Variants in SEPTIN7 observed in about 807,000 individuals in gnomAD.
SEPTIN7 encodes the protein septin-7.
In SEPTIN7, 10 loss-of-function variants were observed where a neutral mutation model predicts 63.3. The observed-to-expected ratio is 0.16, with a 90% CI of 0.10 to 0.27. The LOEUF (loss-of-function observed/expected upper bound fraction) is 0.27. Among genes scored for constraint, SEPTIN7 ranks in the 10% least tolerant of loss-of-function variants. The pLI is 1.00. For synonymous variants in SEPTIN7, 131 were observed against 165.3 expected (o/e 0.79, Z 1.59); for missense variants, 310 against 521.0 (o/e 0.59, Z 3.94).
chr7:35,848,677 T>C (rs1246964213), intron 3 of SEPTIN7, among the ~76,000 whole-genome samples: 2 of 152,178 alleles, frequency 1.3e-5, no homozygotes, highest in African/African-American at 4.8e-5. Flanking sequence ...GTATATATCT[T>C]ATGAAACTTT....
chr7:35,823,641 A>C, intron 1 of SEPTIN7, among the ~76,000 whole-genome samples: 1 of 152,206 alleles, frequency 6.6e-6, no homozygotes, highest in East Asian at 1.9e-4. Flanking sequence ...AGCAAGTTTC[A>C]AATGACTCCT....
chr7:35,804,897 T>G (rs1788233505), intron 1 of SEPTIN7, among the ~76,000 whole-genome samples: 1 of 146,068 alleles, frequency 6.8e-6, no homozygotes, highest in Non-Finnish European at 1.5e-5. Flanking sequence ...AGTGCAATGG[T>G]GCAATCTTGG....
rs144950029 is a variant in SEPTIN7 at position 35,875,770 on chromosome 7, TATACATAC to T, written c.512+2013_512+2020del. Among the ~76,000 whole-genome samples the T allele has an allele frequency of 6.8e-4, 103 of 152,184 alleles. No homozygotes were observed. In the South Asian group the frequency reaches 0.019, roughly 28 times the overall value. On this transcript the variant is annotated intron_variant, in intron 6 of 13. Coordinates refer to ENST00000350320, the MANE Select transcript of SEPTIN7 (RefSeq NM_001788.6). The stretch of plus-strand genomic sequence containing the variant: ...TTTTATACAGAAGGATTTTTTCTCT[TATACATAC>T]ATACATACATACATACAAAAAAAAT...
intron 1 of SEPTIN7, chr7:35,812,069 G>A (rs1241016706): frequency 1.2e-5 from 3 of 250,136 alleles, no homozygotes; most frequent in South Asian, 3.3e-5. Context: ...AGAGGTTGCC[G>A]TGAGCCAAGA....
At chr7:35,850,748 CAT>C (rs768541324) in intron 3 of SEPTIN7, among the ~76,000 whole-genome samples, 9 of 152,076 alleles carry the variant, frequency 5.9e-5, no homozygotes, top group Non-Finnish European at 1.3e-4. Flanking sequence ...ACATTGTTTG[CAT>C]ATCTTACCTC....
At chr7:35,826,747 A>G (rs1783536494) in intron 1 of SEPTIN7, among the ~76,000 whole-genome samples, 1 of 152,140 alleles carries the variant, frequency 6.6e-6, no homozygotes, top group African/African-American at 2.4e-5. Flanking sequence ...CATATTTAAT[A>G]GTTTTCAAAA....
At chr7:35,854,136 A>G (rs1785086895) in intron 3 of SEPTIN7, among the ~76,000 whole-genome samples, 1 of 152,174 alleles carries the variant, frequency 6.6e-6, no homozygotes, top group African/African-American at 2.4e-5. Flanking sequence ...AGCAATGCAA[A>G]TATTCTAAAA....
Position 35,801,128 on chromosome 7 carries a change from T to G in SEPTIN7, c.-82T>G, listed in dbSNP as rs1787923859. 2 of 1,204,762 alleles carry G rather than the reference T, an allele frequency of 1.7e-6. No homozygotes were observed. The allele number at this position is 1,204,762 out of a possible 1,614,324, so 74.6% of individuals were successfully genotyped here. The stretch of plus-strand genomic sequence containing the variant: ...AAGCAAGGCAGCTACGCCGGGCGGC[T>G]ACGCTGCGGAATCGGCGTAGGCGCC... On this transcript the variant is annotated 5_prime_UTR_variant, in exon 1 of 14. Coordinates refer to ENST00000350320, the MANE Select transcript of SEPTIN7 (RefSeq NM_001788.6).
Position 35,807,351 on chromosome 7 carries a change from A to AT in SEPTIN7, c.61+6110dup, listed in dbSNP as rs70974769. On this transcript the variant is annotated intron_variant, in intron 1 of 13. Transcript: ENST00000350320. ...GGCATGTGCCACCATGCCCGGCTGA[A>AT]TTTTTTTTTTTTTTTTTTTTTTTTT... Among the ~76,000 whole-genome samples the AT allele has an allele frequency of 2.7e-3, 61 of 22,230 alleles. 2 individuals carry two copies. Among genetic ancestry groups the AT allele is most frequent in the South Asian group, 5.1e-3 (2 of 394 alleles). The allele number at this position is 22,230 out of a possible 152,430, so 14.6% of individuals were successfully genotyped here.
chr7:35,873,568 T>G lies in SEPTIN7; in HGVS notation c.378-73T>G, dbSNP rs1050236327. The G allele has an allele frequency of 4.2e-6, 6 of 1,429,818 alleles. No individual in the cohort carries two copies. The African/African-American group carries it at 8.5e-5, about 20-fold the overall frequency. 88.6% of individuals were successfully genotyped at this position (1,429,818 alleles called of 1,614,324 possible). ...ATTTTGCCCATTTGAAAATACTGAT[T>G]ATTGTCCTTTAACAGTCATCAGTTA... On this transcript the variant is annotated intron_variant, in intron 5 of 13. Transcript: ENST00000350320.
At chr7:35,828,376 CCTT>C (rs1428592442) in intron 1 of SEPTIN7, among the ~76,000 whole-genome samples, 5 of 152,148 alleles carry the variant, frequency 3.3e-5, no homozygotes, top group South Asian at 2.1e-4. Flanking sequence ...GCCTCGACCC[CCTT>C]CTTCTTTTTT....
Position 35,890,954 on chromosome 7 carries a change from A to AG in SEPTIN7, c.998+162dup, listed in dbSNP as rs1361192675. Among the ~76,000 whole-genome samples, 3 of 152,358 alleles carry AG rather than the reference A, an allele frequency of 2.0e-5. No individual in the cohort carries two copies. In the East Asian group the frequency reaches 5.8e-4, roughly 29 times the overall value. On this transcript the variant is annotated intron_variant, in intron 11 of 13. Transcript: ENST00000350320. ...TATATTGTTATGCTTTGTTAATAGT[A>AG]GAAGCTTTTTTGAATGAACCATTTT... is the stretch of plus-strand genomic sequence containing the variant.
chr7:35,829,323 G>A (rs943377222), intron 1 of SEPTIN7, among the ~76,000 whole-genome samples: 3 of 151,498 alleles, frequency 2.0e-5, no homozygotes, highest in South Asian at 2.1e-4. Context: ...GTATTTTTTA[G>A]TAGAGACGGG....
chr7:35,842,138 G>T (rs1784436346), intron 3 of SEPTIN7, among the ~76,000 whole-genome samples: 1 of 152,100 alleles, frequency 6.6e-6, no homozygotes, highest in South Asian at 2.1e-4. Flanking sequence ...CCCAAGGCAG[G>T]AAGTTTTCAA....
Position 35,904,271 on chromosome 7 carries a change from A to G in SEPTIN7, c.1292A>G (p.Lys431Arg), listed in dbSNP as rs760435092. The G allele has an allele frequency of 3.8e-6, 6 of 1,564,918 alleles. No homozygotes were observed. Among genetic ancestry groups the G allele is most frequent in the South Asian group, 3.6e-5 (3 of 83,540 alleles). Residue 431 changes from lysine (K) to arginine (R), a missense_variant, in exon 14 of 14, where the codon AAG (lysine) becomes AGG (arginine). This residue lies in a region of SEPTIN7 where 255 missense variants were observed against 490.5 expected (regional missense o/e 0.52). Transcript: ENST00000350320. ...QNSSRTLEKNKKKGKIF is the reference protein window; with the variant it reads ...QNSSRTLEKNRKKGKIF ...TCCTTTAGAACCTTGGAAAAGAACA[A>G]GAAGAAAGGGAAGATCTTTTAAACT...
At position 35,835,611 on chromosome 7, in the gene SEPTIN7, T is replaced by TC. The variant is rs748318280; in HGVS notation, c.169+2711_169+2712insC. On this transcript the variant is annotated intron_variant, in intron 3 of 13. Coordinates refer to ENST00000350320, the MANE Select transcript of SEPTIN7 (RefSeq NM_001788.6). ...GATACTGGGTATAGTGCAGTGTTTA[T>TC]AAGAGTACATCCAATATGCCTTGAA... Among the ~76,000 whole-genome samples, 1,015 of 152,300 alleles carry TC rather than the reference T, an allele frequency of 6.7e-3. 14 individuals carry two copies. The highest frequency in any genetic ancestry group is 0.023 in the African/African-American group (973 of 41,554).
At chr7:35,901,648 T>C (rs545541600) in intron 12 of SEPTIN7, 7 of 152,284 alleles carry the variant, frequency 4.6e-5, no homozygotes, top group African/African-American at 1.4e-4. Context: ...TGTAACAAGT[T>C]AAAGAATGAT....
chr7:35,899,766 C>T (rs1490767942), intron 12 of SEPTIN7: 1 of 152,046 alleles, frequency 6.6e-6, no homozygotes, highest in Non-Finnish European at 1.5e-5. Context: ...CACCTATGGT[C>T]CCAACTACTC....
chr7:35,825,702 A>G (rs1000656860), intron 1 of SEPTIN7, among the ~76,000 whole-genome samples: 1 of 152,202 alleles, frequency 6.6e-6, no homozygotes, highest in Non-Finnish European at 1.5e-5. Flanking sequence ...TAGAACACAC[A>G]TATATGCTTG....
Sources: allele counts gnomAD v4.1 joint callset (sites outside exome capture counted in the v4.1 genomes callset), GRCh38; gene constraint gnomAD v4.1.1; regional missense constraint gnomAD v4.1.1; transcripts MANE v1.5; gene names NCBI Gene and HGNC (gene_info 2026-07-23, HGNC 2026-07-21).